The following RCN3 variants were observed in gnomAD, a reference collection of about 807,000 sequenced individuals.
RCN3 encodes reticulocalbin 3, also known as reticulocalbin-3.
Under a neutral mutation model 35.9 loss-of-function variants are expected in RCN3, and 41 were observed. That is an observed-to-expected ratio of 1.14 (90% CI 0.89 to 1.48). The LOEUF (loss-of-function observed/expected upper bound fraction) is 1.48, where lower values mean the gene tolerates loss of function less well. RCN3 is among the 40% of genes most tolerant of loss of function. The pLI is 0.00. For missense variants in RCN3, 451 were observed against 471.3 expected (o/e 0.96, Z 0.40); for synonymous variants, 187 against 193.4 (o/e 0.97, Z 0.27).
intron 2 of RCN3, among the ~76,000 whole-genome samples, chr19:49,532,100 CTTTT>C (rs925920521): frequency 0.073 from 6,747 of 92,252 alleles, 123 homozygotes; most frequent in African/African-American, 0.11. Flanking sequence ...GGCGCCTGGC[CTTTT>C]TTTTTTTTTT....
In RCN3 at chr19:49,537,085, T is replaced by G; in HGVS notation, c.498T>G (p.Ala166=). 6.3e-7 allele frequency: 1 copy of G among 1,591,116 alleles called. No individual in the cohort carries two copies. Among genetic ancestry groups the G allele is most frequent in the Non-Finnish European group, 8.6e-7 (1 of 1,167,390 alleles). The change falls in exon 4 of 7, where the codon GCT becomes GCG. Residue 166 remains alanine (A), a synonymous_variant. Coordinates refer to ENST00000270645, the MANE Select transcript of RCN3 (RefSeq NM_020650.3). ...EDAETYKKML[A]RDERRFRVAD... ...CAGAGACCTACAAAAAGATGCTGGC[T>G]CGGGACGAGCGGCGTTTCCGGGTGG... is the stretch of plus-strand genomic sequence containing the variant.
At position 49,534,375 on chromosome 19, in the gene RCN3, C is replaced by G; in HGVS notation, c.425C>G (p.Thr142Ser). The part of the protein sequence containing the change: ...RVGWEELRNA[T>S]YGHYAPGEEF... ...GGTTGGGAGGAGCTGCGCAACGCCA[C>G]CTATGGCCACTACGCGCCCGGTACG... Residue 142 changes from threonine (T) to serine (S), a missense_variant, in exon 3 of 7, where the codon ACC becomes AGC. Physicochemically the swap from Thr to Ser is moderately conservative, Grantham distance 58. Transcript: ENST00000270645. 1 of 1,539,484 alleles carries G rather than the reference C, an allele frequency of 6.5e-7. No homozygotes were observed. Among genetic ancestry groups the G allele is most frequent in the Non-Finnish European group, 8.7e-7 (1 of 1,144,484 alleles).
chr19:49,534,400 G>A lies in RCN3; in HGVS notation c.445+5G>A, dbSNP rs1034316506. The A allele has an allele frequency of 1.3e-6, 2 of 1,537,196 alleles. No homozygotes were observed. The highest frequency in any genetic ancestry group is 2.2e-4 in the Middle Eastern group (1 of 4,508). On this transcript the variant is annotated splice_donor_5th_base_variant and intron_variant, in intron 3 of 6. Transcript: ENST00000270645. ...CCTATGGCCACTACGCGCCCGGTAC[G>A]CGGCGAGCCCCCGACCCTGCTCCCC...
At chr19:49,539,719 T>C (rs1042756512) in intron 5 of RCN3, among the ~76,000 whole-genome samples, 1 of 60,242 alleles carries the variant, frequency 1.7e-5, no homozygotes, top group Non-Finnish European at 2.7e-5. Context: ...TAACAAGGAA[T>C]TTTTTTTTTT....
At chr19:49,536,607 A>ATTTT (rs1164558496) in intron 3 of RCN3, among the ~76,000 whole-genome samples, 1 of 123,496 alleles carries the variant, frequency 8.1e-6, no homozygotes, top group Non-Finnish European at 1.7e-5. Flanking sequence ...GGCTTCTAAA[A>ATTTT]TTTTTTTTTT....
Position 49,528,701 on chromosome 19 carries a change from C to G in RCN3, c.229C>G (p.Gln77Glu). ...CGACCAACTCACCCCAGAGGAAAGC[C>G]AGGCCCGTCTGGGGTAAGAGAGACA... is the stretch of plus-strand genomic sequence containing the variant. ...EFDQLTPEES[Q>E]ARLGRIVDRM... Residue 77 changes from glutamine to glutamate, a missense_variant, in exon 2 of 7, where the codon CAG (glutamine) becomes GAG (glutamate). Physicochemically the swap from Gln to Glu is conservative, Grantham distance 29 (BLOSUM62 2). Transcript: ENST00000270645. 1 of 1,595,166 alleles carries G rather than the reference C, an allele frequency of 6.3e-7. No individual in the cohort carries two copies. Among genetic ancestry groups the G allele is most frequent in the Non-Finnish European group, 8.5e-7 (1 of 1,170,192 alleles).
Position 49,543,487 on chromosome 19 carries a change from A to G in RCN3, c.*274A>G. On this transcript the variant is annotated 3_prime_UTR_variant, in exon 7 of 7. Transcript: ENST00000270645. ...CCCAGGGACCCTTGGCCCCAAGCTC[A>G]GCTCTAAGAACCGCCCCAACCCCTC... 2.1e-6 allele frequency: 1 copy of G among 477,796 alleles called. No homozygotes were observed. The highest frequency in any genetic ancestry group is 3.8e-6 in the Non-Finnish European group (1 of 261,942). 29.6% of individuals were successfully genotyped at this position (477,796 alleles called of 1,614,324 possible).
At chr19:49,542,510 C>T (rs1163754216) in intron 5 of RCN3, 43 bp from the exon 6 acceptor site, 5 of 1,464,544 alleles carry the variant, frequency 3.4e-6, no homozygotes, top group Non-Finnish European at 1.9e-6. Context: ...CACTAGACCC[C>T]CAGAGCTGCC....
At position 49,539,117 on chromosome 19, in the gene RCN3, A is replaced by G; in HGVS notation, c.619-2A>G. 6.3e-7 allele frequency: 1 copy of G among 1,599,440 alleles called. No individual in the cohort carries two copies. The highest frequency in any genetic ancestry group is 8.5e-7 in the Non-Finnish European group (1 of 1,174,420). On this transcript the variant is annotated splice_acceptor_variant, in intron 4 of 6. Coordinates refer to ENST00000270645, the MANE Select transcript of RCN3 (RefSeq NM_020650.3). LOFTEE classifies it high-confidence loss of function. ...CAGCCTCAATGCCCCTTTCTCCTCC[A>G]GGAAACCCTGGAGGACCTGGACAGA... is the stretch of plus-strand genomic sequence containing the variant.
intron 3 of RCN3, among the ~76,000 whole-genome samples, chr19:49,535,525 C>T (rs1221363846): frequency 6.6e-6 from 1 of 152,184 alleles, no homozygotes; most frequent in Non-Finnish European, 1.5e-5. Context: ...CATATAATCT[C>T]TCACAAGTTA....
intron 5 of RCN3, among the ~76,000 whole-genome samples, chr19:49,541,431 T>G (rs939757154): frequency 4.6e-5 from 7 of 152,106 alleles, no homozygotes; most frequent in African/African-American, 1.4e-4. Context: ...TCTTAACTCC[T>G]CCCCAACCAG....
At chr19:49,538,421 C>G (rs981704418) in intron 4 of RCN3, among the ~76,000 whole-genome samples, 1 of 151,804 alleles carries the variant, frequency 6.6e-6, no homozygotes, top group Non-Finnish European at 1.5e-5. Context: ...CCCACCTCGG[C>G]CTTCCAAAGT....
At chr19:49,529,036 G>T (rs1399186384) in intron 2 of RCN3, among the ~76,000 whole-genome samples, 5 of 151,800 alleles carry the variant, frequency 3.3e-5, no homozygotes, top group Non-Finnish European at 7.4e-5. Context: ...ACAAAATTAG[G>T]CAGGCGTGGT....
chr19:49,543,266 G>C lies in RCN3; in HGVS notation c.*53G>C. Reference sequence around the variant, plus strand: ...GGCCCGCACAATGACCGGAGGAGGGGCCGCTGTGGTCTGGCCCCCTCCCTG... The same window carrying C: ...GGCCCGCACAATGACCGGAGGAGGGCCCGCTGTGGTCTGGCCCCCTCCCTG... On this transcript the variant is annotated 3_prime_UTR_variant, in exon 7 of 7. Coordinates refer to ENST00000270645, the MANE Select transcript of RCN3 (RefSeq NM_020650.3). 1 of 1,446,976 alleles carries C rather than the reference G, an allele frequency of 6.9e-7. No individual in the cohort carries two copies. The highest frequency in any genetic ancestry group is 9.6e-7 in the Non-Finnish European group (1 of 1,038,208). 89.6% of individuals were successfully genotyped at this position (1,446,976 alleles called of 1,614,324 possible). A position where few individuals can be genotyped will look rare whatever the true frequency, so the allele number is the denominator to read the frequency against.
intron 5 of RCN3, among the ~76,000 whole-genome samples, chr19:49,540,509 A>G (rs2080158025): frequency 6.6e-6 from 1 of 151,448 alleles, no homozygotes. Context: ...AATCCCAGTT[A>G]CTCTGGGGAC....
chr19:49,530,012 C>T (rs2080100703), intron 2 of RCN3, among the ~76,000 whole-genome samples: 1 of 151,518 alleles, frequency 6.6e-6, no homozygotes, highest in Admixed American at 6.6e-5. Context: ...AGTGCAGTGA[C>T]GTGATCTCGG....
chr19:49,542,227 C>T (rs747298967), intron 5 of RCN3, among the ~76,000 whole-genome samples: 29 of 152,272 alleles, frequency 1.9e-4, no homozygotes, highest in Middle Eastern at 3.4e-3. Context: ...GAAACATCCT[C>T]GCACGTTCCT....
intron 5 of RCN3, among the ~76,000 whole-genome samples, chr19:49,540,913 C>T (rs553581948): frequency 1.3e-4 from 19 of 150,692 alleles, no homozygotes; most frequent in African/African-American, 4.6e-4. Flanking sequence ...GCCCCAGATG[C>T]CAGCAGCTGT....
chr19:49,534,181 C>T lies in RCN3; in HGVS notation c.243-12C>T. ...GGACCAGAGCCTGACGTGTGCCCGC[C>T]CCGGCTTCTAGGCGGATCGTGGACC... On this transcript the variant is annotated splice_polypyrimidine_tract_variant and intron_variant, in intron 2 of 6. Coordinates refer to ENST00000270645, the MANE Select transcript of RCN3 (RefSeq NM_020650.3). 6.8e-7 allele frequency: 1 copy of T among 1,481,246 alleles called. No homozygotes were observed. The highest frequency in any genetic ancestry group is 8.9e-7 in the Non-Finnish European group (1 of 1,121,602). 91.8% of individuals were successfully genotyped at this position (1,481,246 alleles called of 1,614,324 possible).
Sources: allele counts gnomAD v4.1 joint callset (sites outside exome capture counted in the v4.1 genomes callset), GRCh38; gene constraint gnomAD v4.1.1; transcripts MANE v1.5; gene names NCBI Gene and HGNC (gene_info 2026-07-23, HGNC 2026-07-21).